FHDC1: variants seen among roughly 807,000 people sequenced by gnomAD.
FHDC1 encodes FH2 domain-containing protein 1.
FHDC1 carries 25 observed loss-of-function variants against 52.6 expected under a neutral mutation model. The ratio of observed to expected loss-of-function variants is 0.48; its 90% CI spans 0.35 to 0.66. The LOEUF (loss-of-function observed/expected upper bound fraction) is 0.66, where lower values mean the gene tolerates loss of function less well. Ranked by LOEUF, FHDC1 falls within the 30% of genes least tolerant of loss-of-function variation. The pLI, the probability that FHDC1 is intolerant of heterozygous loss-of-function variation, is 0.01. For missense variants in FHDC1, 1,459 were observed against 1,452.8 expected, an observed-to-expected ratio of 1.00 and a Z score of -0.07; for synonymous variants, 616 against 581.5, an observed-to-expected ratio of 1.06 and a Z score of -0.85.
At chr4:152,960,866 C>T (rs374335444) in intron 6 of FHDC1, 22 bp downstream of exon 6, 68 of 1,507,910 alleles carry the variant, frequency 4.5e-5, no homozygotes, top group Admixed American at 2.0e-4. Flanking sequence ...TATGATCCTT[C>T]GCAGAATTTG....
upstream of FHDC1, among the ~76,000 whole-genome samples, chr4:152,936,087 G>A (rs1165692122): frequency 5.3e-5 from 8 of 152,044 alleles, no homozygotes; most frequent in African/African-American, 1.7e-4. Flanking sequence ...TCGGGTGCGG[G>A]AAGCAGTGTG....
At chr4:152,957,478 G>A (rs975300485) in intron 4 of FHDC1, among the ~76,000 whole-genome samples, 19 of 152,294 alleles carry the variant, frequency 1.2e-4, no homozygotes, top group African/African-American at 4.3e-4. Flanking sequence ...ATACAGCAGC[G>A]GGGTGGACTT....
intron 2 of FHDC1, among the ~76,000 whole-genome samples, chr4:152,951,750 G>A (rs775607107): frequency 2.2e-4 from 33 of 152,112 alleles, no homozygotes; most frequent in Middle Eastern, 3.4e-3. Context: ...CTAGTCTCCC[G>A]TTACCAAAAA....
intron 1 of FHDC1, among the ~76,000 whole-genome samples, chr4:152,941,799 G>T (rs554449755): frequency 8.5e-4 from 129 of 152,238 alleles, no homozygotes; most frequent in African/African-American, 3.1e-3. Flanking sequence ...GCTGTAAAAA[G>T]AAAATTACAC....
At chr4:152,935,835 G>A (rs1739349258), upstream of FHDC1, among the ~76,000 whole-genome samples, 1 of 129,940 alleles carries the variant, frequency 7.7e-6, no homozygotes, top group African/African-American at 2.6e-5. Flanking sequence ...GTGCGGGTGT[G>A]TGTGTGTGTG....
At chr4:152,934,354 T>C (rs939628040), upstream of FHDC1, among the ~76,000 whole-genome samples, 4 of 151,922 alleles carry the variant, frequency 2.6e-5, no homozygotes, top group Non-Finnish European at 4.4e-5. Context: ...GAGGGAAAGA[T>C]GAGTTGATTT....
At chr4:152,927,693 AT>A in the FHDC1 span, 2 of 1,554,762 alleles carry the variant, frequency 1.3e-6, no homozygotes, top group Non-Finnish European at 1.8e-6. Flanking sequence ...AGAGGCTTAG[AT>A]GAAGATGAGA....
At chr4:152,947,064 C>T (rs1317706756) in intron 2 of FHDC1, among the ~76,000 whole-genome samples, 2 of 151,932 alleles carry the variant, frequency 1.3e-5, no homozygotes, top group Non-Finnish European at 2.9e-5. Flanking sequence ...ACTAAAAATA[C>T]AAACATTAGC....
At chr4:152,957,226 A>G (rs1740116243) in intron 4 of FHDC1, among the ~76,000 whole-genome samples, 1 of 152,254 alleles carries the variant, frequency 6.6e-6, no homozygotes, top group Non-Finnish European at 1.5e-5. Flanking sequence ...TTTTTAGCAC[A>G]AGTAAGGACT....
In FHDC1 at chr4:152,943,196, T is replaced by C. The variant is rs1340248884; in HGVS notation, c.139T>C (p.Cys47Arg). 1 of 1,609,150 alleles carries C rather than the reference T, an allele frequency of 6.2e-7. No homozygotes were observed. The highest frequency in any genetic ancestry group is 8.5e-7 in the Non-Finnish European group (1 of 1,177,808). The change falls in exon 2 of 12, where the codon TGT (cysteine) becomes CGT (arginine). Residue 47 changes from cysteine (C) to arginine (R), a missense_variant. Physicochemically the swap from Cys to Arg is radical, Grantham distance 180. Around this residue, in one of 3 missense-constraint regions of FHDC1, gnomAD observed 513 missense variants for 581.5 expected, o/e 0.88. Transcript: ENST00000511601. ...PPPPPPPSPP[C>R]SCSREECPSS... ...TCCTCCACCCCCTCCATCTCCACCA[T>C]GTTCATGTTCAAGGGAAGAGTGTCC...
At position 152,949,142 on chromosome 4, in the gene FHDC1, G is replaced by T. The variant is rs370378555; in HGVS notation, c.499-4357G>T. Among the ~76,000 whole-genome samples, 632 of 101,080 alleles carry T rather than the reference G, an allele frequency of 6.3e-3. 5 individuals are homozygous for T. Among genetic ancestry groups the T allele is most frequent in the African/African-American group, 0.018 (510 of 28,914 alleles). The allele number at this position is 101,080 out of a possible 152,430, so 66.3% of individuals were successfully genotyped here. A position where few individuals can be genotyped will look rare whatever the true frequency, so the allele number is the denominator to read the frequency against. The stretch of plus-strand genomic sequence containing the variant: ...ATAATAATAAGAAGAAGAAGAAGAA[G>T]AAGAAGAAGAAGAAGAAGAAGAAGA... On this transcript the variant is annotated intron_variant, in intron 2 of 11. Coordinates refer to ENST00000511601, the MANE Select transcript of FHDC1 (RefSeq NM_001371116.1).
chr4:152,948,053 T>C (rs1403281906), intron 2 of FHDC1, among the ~76,000 whole-genome samples: 1 of 151,614 alleles, frequency 6.6e-6, no homozygotes, highest in African/African-American at 2.4e-5. Flanking sequence ...TGGATTTTCA[T>C]TTTTTTTTCC....
intron 2 of FHDC1, 53 bp downstream of exon 2, chr4:152,943,608 T>G: frequency 6.5e-7 from 1 of 1,547,206 alleles, no homozygotes; most frequent in Non-Finnish European, 8.7e-7. Context: ...TGTTTTGTGT[T>G]TTGGGATGTG....
chr4:152,937,904 G>T (rs1308806232), intron 1 of FHDC1, among the ~76,000 whole-genome samples: 2 of 152,120 alleles, frequency 1.3e-5, no homozygotes, highest in Admixed American at 1.3e-4. Context: ...CTCGGGCGGG[G>T]ACCGGGGTGC....
Position 152,974,742 on chromosome 4 carries a change from A to G in FHDC1, c.1451A>G (p.Gln484Arg), listed in dbSNP as rs372739618. ...AGGCTGAAGGAGCAGGAGCAGAAGC[A>G]GCGCTCCTGGGCAACTGGGGAGCTG... The part of the protein sequence containing the change: ...LQRLKEQEQK[Q>R]RSWATGELGA... The change falls in exon 12 of 12, where the codon CAG becomes CGG. Residue 484 changes from glutamine to arginine, a missense_variant. Physicochemically the swap from Gln to Arg is conservative, Grantham distance 43. Around this residue, in one of 3 missense-constraint regions of FHDC1, gnomAD observed 513 missense variants for 581.5 expected, o/e 0.88. Coordinates refer to ENST00000511601, the MANE Select transcript of FHDC1 (RefSeq NM_001371116.1). 1.3e-6 allele frequency: 2 copies of G among 1,521,376 alleles called. No individual in the cohort carries two copies. The highest frequency in any genetic ancestry group is 1.8e-6 in the Non-Finnish European group (2 of 1,134,060). The allele number at this position is 1,521,376 out of a possible 1,614,324, so 94.2% of individuals were successfully genotyped here.
chr4:152,938,833 A>G (rs753635569), intron 1 of FHDC1, among the ~76,000 whole-genome samples: 39 of 151,402 alleles, frequency 2.6e-4, no homozygotes, highest in Non-Finnish European at 4.3e-4. Flanking sequence ...CACCAGAACC[A>G]CTGGTGCAGA....
chr4:152,925,610 TA>T, the FHDC1 span, among the ~76,000 whole-genome samples: 2 of 152,176 alleles, frequency 1.3e-5, no homozygotes, highest in Non-Finnish European at 2.9e-5. Flanking sequence ...TAGGTAGTTC[TA>T]AACTGGATCT....
the FHDC1 span, among the ~76,000 whole-genome samples, chr4:152,929,125 G>A: frequency 6.6e-6 from 1 of 152,068 alleles, no homozygotes; most frequent in African/African-American, 2.4e-5. This position sits in a 1 kb window ranked among gnomAD's most constrained non-coding sequence, Gnocchi z 4.1. Flanking sequence ...CAATATATAT[G>A]TAAGATGTAC....
chr4:152,949,112 T>TAAGAAGAAGAAGAAGAAGAAG (rs1301987979), intron 2 of FHDC1, among the ~76,000 whole-genome samples: 4 of 79,978 alleles, frequency 5.0e-5, no homozygotes, highest in African/African-American at 1.5e-4. Flanking sequence ...ATAATAATAA[T>TAAGAAGAAGAAGAAGAAGAAG]AATAATAATA....
Sources: gnomAD v4.1 joint callset for allele counts (sites outside exome capture counted in the v4.1 genomes callset) on GRCh38, gnomAD v4.1.1 for gene constraint, gnomAD v4.1.1 regional missense constraint, Gnocchi (gnomAD v3.1) non-coding constraint, MANE v1.5 for transcripts, NCBI Gene and HGNC (gene_info 2026-07-23, HGNC 2026-07-21) for gene names.